RFTN1: variants seen among roughly 807,000 people sequenced by gnomAD.
RFTN1 encodes the protein raftlin.
Under a neutral mutation model 46.5 loss-of-function variants are expected in RFTN1, and 26 were observed. The observed-to-expected ratio is 0.56, with a 90% CI of 0.41 to 0.78. RFTN1 has a LOEUF of 0.78. RFTN1 is among the 30% of genes least tolerant of loss of function. The pLI, the probability that RFTN1 is intolerant of heterozygous loss-of-function variation, is 0.00. For synonymous variants in RFTN1, 261 were observed against 284.2 expected (o/e 0.92, Z 0.82); for missense variants, 693 against 718.7 (o/e 0.96, Z 0.41).
In RFTN1 at chr3:16,344,897, G is replaced by T. The variant is rs886660331; in HGVS notation, c.1146+13035C>A. On this transcript the variant is annotated intron_variant, in intron 7 of 9. Transcript: ENST00000334133. This position sits in a 1 kb window ranked among gnomAD's most constrained non-coding sequence, Gnocchi z 4.4. ...CACCCCCCAACCTTTTATGCTCACT[G>T]ATTTAATATACTTCAGTTCTCTCTG... 6.6e-6 allele frequency among the ~76,000 whole-genome samples: 1 copy of T among 152,238 alleles called. No individual in the cohort carries two copies. Among genetic ancestry groups the T allele is most frequent in the Non-Finnish European group, 1.5e-5 (1 of 68,036 alleles).
chr3:16,461,720 CTGAG>C (rs2076010682), intron 2 of RFTN1, among the ~76,000 whole-genome samples: 2 of 152,216 alleles, frequency 1.3e-5, no homozygotes, highest in South Asian at 4.1e-4. Context: ...TCTAAATAAC[CTGAG>C]TAATTACTTC....
Position 16,378,013 on chromosome 3 carries a change from C to T in RFTN1, c.531G>A (p.Pro177=), listed in dbSNP as rs373927033. 1.4e-5 allele frequency: 23 copies of T among 1,614,124 alleles called. No individual in the cohort carries two copies. The highest frequency in any genetic ancestry group is 1.6e-4 in the Middle Eastern group (1 of 6,084). ...CCTCGGTGCTGTTGGCAGTAGACAC[C>T]GGAGCACTGCTGCCTGCCGAGTTCA... is the stretch of plus-strand genomic sequence containing the variant. The part of the protein sequence containing the change: ...SSVNSAGSSA[P]VSTANSTEDA... The change falls in exon 5 of 10, where the codon CCG becomes CCA. Residue 177 remains proline (P), a synonymous_variant. Transcript: ENST00000334133.
rs527980583 is a variant in RFTN1 at position 16,504,129 on chromosome 3, A to G, written c.-9+9313T>C. 6.7e-4 allele frequency among the ~76,000 whole-genome samples: 45 copies of G among 66,786 alleles called. No homozygotes were observed. In the East Asian group the frequency reaches 0.017, roughly 25 times the overall value. 43.8% of individuals were successfully genotyped at this position (66,786 alleles called of 152,430 possible). On this transcript the variant is annotated intron_variant, in intron 1 of 9. Transcript: ENST00000334133. This position sits in a 1 kb window ranked among gnomAD's most constrained non-coding sequence, Gnocchi z 4.4. Reference sequence around the variant, plus strand: ...ATTTTTTAATGGCATGCCCTAGACTAAAAAAAAAATACCCAATAGTTCGTT... The same window carrying G: ...ATTTTTTAATGGCATGCCCTAGACTGAAAAAAAAATACCCAATAGTTCGTT...
chr3:16,402,946 G>A lies in RFTN1; in HGVS notation c.441+6429C>T, dbSNP rs1244752386. ...CCATCACAAAAGGGAGTCAACTTGG[G>A]GAACAGAGCCCAGAGCTGAGGGCCT... On this transcript the variant is annotated intron_variant, in intron 4 of 9. Coordinates refer to ENST00000334133, the MANE Select transcript of RFTN1 (RefSeq NM_015150.2). This position sits in a 1 kb window ranked among gnomAD's most constrained non-coding sequence, Gnocchi z 4.5. Among the ~76,000 whole-genome samples, 2 of 152,126 alleles carry A rather than the reference G, an allele frequency of 1.3e-5. No homozygotes were observed. Among genetic ancestry groups the A allele is most frequent in the Non-Finnish European group, 2.9e-5 (2 of 68,028 alleles).
At position 16,480,091 on chromosome 3, in the gene RFTN1, A is replaced by G. The variant is rs1000420725; in HGVS notation, c.145+13634T>C. ...GCATGCTCAATACAGAGCCTGAAAAAGAGTAGATAATCAATAAATATTGAA... is the reference window on the plus strand; with the variant it reads ...GCATGCTCAATACAGAGCCTGAAAAGGAGTAGATAATCAATAAATATTGAA... On this transcript the variant is annotated intron_variant, in intron 2 of 9. Coordinates refer to ENST00000334133, the MANE Select transcript of RFTN1 (RefSeq NM_015150.2). The surrounding 1 kb of genome is among the most constrained non-coding windows in gnomAD (Gnocchi z 4.3). Among the ~76,000 whole-genome samples the G allele has an allele frequency of 6.6e-6, 1 of 152,230 alleles. No individual in the cohort carries two copies. The highest frequency in any genetic ancestry group is 1.5e-5 in the Non-Finnish European group (1 of 68,050).
In RFTN1 at chr3:16,499,411, C is replaced by T. The variant is rs543750550; in HGVS notation, c.-8-5534G>A. Among the ~76,000 whole-genome samples, 2 of 152,326 alleles carry T rather than the reference C, an allele frequency of 1.3e-5. No individual in the cohort carries two copies. Among genetic ancestry groups the T allele is most frequent in the East Asian group, 3.9e-4 (2 of 5,188 alleles). ...GGTGCCTGCTCGTGGAATCCAGCCA[C>T]CATGCCATGAGGAAGCTCAAGTAGC... is the stretch of plus-strand genomic sequence containing the variant. On this transcript the variant is annotated intron_variant, in intron 1 of 9. Coordinates refer to ENST00000334133, the MANE Select transcript of RFTN1 (RefSeq NM_015150.2). The surrounding 1 kb of genome is among the most constrained non-coding windows in gnomAD (Gnocchi z 4.9).
intron 2 of RFTN1, among the ~76,000 whole-genome samples, chr3:16,441,292 C>A (rs1575297089): frequency 1.1e-5 from 1 of 91,300 alleles, no homozygotes. Context: ...ACCATTATTC[C>A]AAGAACTAAA....
In RFTN1 at chr3:16,409,486, G is replaced by A; in HGVS notation, c.333-3C>T. 1 of 1,579,324 alleles carries A rather than the reference G, an allele frequency of 6.3e-7. No homozygotes were observed. Among genetic ancestry groups the A allele is most frequent in the Non-Finnish European group, 8.7e-7 (1 of 1,148,644 alleles). ...TGTGAAGATCAGTTTTCTGAGATCT[G>A]AAGAGAAAGAAAAGCACACACAGAA... On this transcript the variant is annotated splice_region_variant and splice_polypyrimidine_tract_variant and intron_variant, in intron 3 of 9. Coordinates refer to ENST00000334133, the MANE Select transcript of RFTN1 (RefSeq NM_015150.2).
Position 16,381,128 on chromosome 3 carries a change from T to C in RFTN1, c.442-3026A>G, listed in dbSNP as rs1394864912. 2.0e-5 allele frequency among the ~76,000 whole-genome samples: 3 copies of C among 152,274 alleles called. No individual in the cohort carries two copies. The East Asian group carries it at 5.8e-4, about 29-fold the overall frequency. On this transcript the variant is annotated intron_variant, in intron 4 of 9. Transcript: ENST00000334133. This position sits in a 1 kb window ranked among gnomAD's most constrained non-coding sequence, Gnocchi z 4.2. ...AACAATTAATGCTTGAAATGACATATAAAAAGTCAAGATTCTAAACTTCAT... is the reference window on the plus strand; with the variant it reads ...AACAATTAATGCTTGAAATGACATACAAAAAGTCAAGATTCTAAACTTCAT...
In RFTN1 at chr3:16,336,359, G is replaced by A. The variant is rs530092813; in HGVS notation, c.1147-9483C>T. ...AACAAGCACATGGTTCCCATCCAGT[G>A]GAGCCCATGGAGGTGAGGTGGAGGG... On this transcript the variant is annotated intron_variant, in intron 7 of 9. Transcript: ENST00000334133. The surrounding 1 kb of genome is among the most constrained non-coding windows in gnomAD (Gnocchi z 6.0). Among the ~76,000 whole-genome samples the A allele has an allele frequency of 2.0e-5, 3 of 152,266 alleles. No homozygotes were observed. The highest frequency in any genetic ancestry group is 2.9e-5 in the Non-Finnish European group (2 of 68,014).
Position 16,336,663 on chromosome 3 carries a change from A to T in RFTN1, c.1147-9787T>A, listed in dbSNP as rs866953819. On this transcript the variant is annotated intron_variant, in intron 7 of 9. Transcript: ENST00000334133. The surrounding 1 kb of genome is among the most constrained non-coding windows in gnomAD (Gnocchi z 6.0). ...GCTTTCATAATGTTCAAAGAGAATAATTTTTTTTTTTTAAAAAAGCTTAGT... is the reference window on the plus strand; with the variant it reads ...GCTTTCATAATGTTCAAAGAGAATATTTTTTTTTTTTTAAAAAAGCTTAGT... 5.3e-5 allele frequency among the ~76,000 whole-genome samples: 8 copies of T among 149,588 alleles called. No homozygotes were observed. The highest frequency in any genetic ancestry group is 1.0e-4 in the Non-Finnish European group (7 of 67,218).
At chr3:16,389,153 C>G (rs2074286408) in intron 4 of RFTN1, among the ~76,000 whole-genome samples, 1 of 152,254 alleles carries the variant, frequency 6.6e-6, no homozygotes, top group African/African-American at 2.4e-5. Context: ...ATGAAACACA[C>G]TTTAACAAAA....
intron 4 of RFTN1, among the ~76,000 whole-genome samples, chr3:16,396,757 G>T (rs2074478029): frequency 6.6e-6 from 1 of 152,090 alleles, no homozygotes; most frequent in Non-Finnish European, 1.5e-5. Context: ...AAACAGCCAG[G>T]ATTAGTACTC....
chr3:16,377,652 G>A (rs1308273717), intron 5 of RFTN1, 66 bp downstream of exon 5: 2 of 1,516,204 alleles, frequency 1.3e-6, no homozygotes, highest in South Asian at 2.7e-5. Context: ...AGATACCATG[G>A]GGATTAATGA....
At chr3:16,494,948 G>C (rs1338193479) in intron 1 of RFTN1, among the ~76,000 whole-genome samples, 5 of 152,144 alleles carry the variant, frequency 3.3e-5, no homozygotes, top group African/African-American at 1.2e-4. Context: ...CATTTACAAG[G>C]TACCCAGCTT....
intron 4 of RFTN1, among the ~76,000 whole-genome samples, chr3:16,397,044 C>T (rs1235100865): frequency 9.7e-6 from 1 of 102,766 alleles, no homozygotes; most frequent in South Asian, 3.0e-4. Context: ...GCCTGGGCAA[C>T]AAGAGTGAAA....
At chr3:16,487,412 A>G (rs1024579814) in intron 2 of RFTN1, among the ~76,000 whole-genome samples, 4 of 152,258 alleles carry the variant, frequency 2.6e-5, no homozygotes, top group African/African-American at 9.6e-5. Flanking sequence ...AGACTAGAAC[A>G]GTGTTAAGCT....
intron 3 of RFTN1, among the ~76,000 whole-genome samples, chr3:16,420,801 C>T (rs554628343): frequency 6.6e-6 from 1 of 152,298 alleles, no homozygotes; most frequent in East Asian, 1.9e-4. Context: ...CAGGAAAAGA[C>T]AGCTTAATTC....
rs1299698734 is a variant in RFTN1 at position 16,385,379 on chromosome 3, G to A, written c.442-7277C>T. Among the ~76,000 whole-genome samples, 1 of 152,154 alleles carries A rather than the reference G, an allele frequency of 6.6e-6. No individual in the cohort carries two copies. Among genetic ancestry groups the A allele is most frequent in the Non-Finnish European group, 1.5e-5 (1 of 68,028 alleles). On this transcript the variant is annotated intron_variant, in intron 4 of 9. Transcript: ENST00000334133. The surrounding 1 kb of genome is among the most constrained non-coding windows in gnomAD (Gnocchi z 5.0). ...TTTGCCAGGCGCTGCTGGATGTTTA[G>A]CTCCGTTTTAGGGCCACAAGGAAAG...
Sources: allele counts gnomAD v4.1 joint callset (sites outside exome capture counted in the v4.1 genomes callset), GRCh38; gene constraint gnomAD v4.1.1; non-coding constraint Gnocchi (gnomAD v3.1); transcripts MANE v1.5; gene names NCBI Gene and HGNC (gene_info 2026-07-23, HGNC 2026-07-21).